The following SBF2 variants were observed in gnomAD, a reference collection of about 807,000 sequenced individuals.
The protein encoded by SBF2 is SET binding factor 2.
A neutral mutation model predicts 225.2 loss-of-function variants in SBF2; 112 were observed. The ratio of observed to expected loss-of-function variants is 0.50; its 90% CI spans 0.43 to 0.58. The LOEUF is 0.58. Ranked by LOEUF, SBF2 falls within the 20% of genes least tolerant of loss-of-function variation. The pLI, the probability that SBF2 is intolerant of heterozygous loss-of-function variation, is 0.00. For synonymous variants in SBF2, 763 were observed against 773.3 expected (o/e 0.99, Z 0.22); for missense variants, 1,996 against 2,206.2 (o/e 0.90, Z 1.91).
intron 6 of SBF2, among the ~76,000 whole-genome samples, chr11:10,024,980 TTCAC>T (rs768725290): frequency 1.3e-5 from 2 of 152,212 alleles, no homozygotes; most frequent in Non-Finnish European, 2.9e-5. Context: ...ATTTATTTCC[TTCAC>T]TATTTCAAAT....
At chr11:10,093,707 C>A (rs963392101) in intron 2 of SBF2, among the ~76,000 whole-genome samples, 6 of 152,162 alleles carry the variant, frequency 3.9e-5, no homozygotes, top group Admixed American at 1.3e-4. Context: ...AAAATAATAA[C>A]TTTTAAAGTA....
chr11:9,998,464 C>T (rs1040819054), intron 8 of SBF2, 85 bp from the exon 9 acceptor site: 40 of 760,818 alleles, frequency 5.3e-5, no homozygotes, highest in Non-Finnish European at 7.2e-5. Context: ...TAATTCAAAA[C>T]GAGAAGAATC....
intron 3 of SBF2, among the ~76,000 whole-genome samples, chr11:10,040,853 G>A (rs910291057): frequency 6.6e-6 from 1 of 151,828 alleles, no homozygotes; most frequent in African/African-American, 2.4e-5. Context: ...ATTAACAACA[G>A]GTGAATATGG....
intron 32 of SBF2, among the ~76,000 whole-genome samples, chr11:9,805,462 T>C (rs1013285457): frequency 6.6e-6 from 1 of 152,186 alleles, no homozygotes; most frequent in African/African-American, 2.4e-5. Context: ...TTCCCCCCAG[T>C]TATATTCAAA....
chr11:9,889,020 G>A (rs1860573781), intron 17 of SBF2, among the ~76,000 whole-genome samples: 1 of 152,106 alleles, frequency 6.6e-6, no homozygotes, highest in African/African-American at 2.4e-5. Context: ...ACTGTGTTCT[G>A]TTAGGTAAAT....
intron 16 of SBF2, among the ~76,000 whole-genome samples, chr11:9,906,433 G>C (rs7930281): frequency 0.28 from 41,834 of 152,054 alleles, 6,747 homozygotes; most frequent in African/African-American, 0.45. Context: ...AATTAGCAGG[G>C]AACAGGCAAT....
chr11:9,928,915 A>G (rs1864266862), intron 16 of SBF2: 1 of 400,516 alleles, frequency 2.5e-6, no homozygotes, highest in African/African-American at 2.1e-5. Context: ...TTAGATAAAA[A>G]TTAAATTCAA....
intron 2 of SBF2, among the ~76,000 whole-genome samples, chr11:10,053,848 A>G (rs372658898): frequency 2.0e-5 from 3 of 151,522 alleles, no homozygotes; most frequent in African/African-American, 7.3e-5. Context: ...TGAGCCTGGG[A>G]GGTTGAGGGT....
intron 2 of SBF2, among the ~76,000 whole-genome samples, chr11:10,081,525 G>A (rs1194074315): frequency 6.6e-6 from 1 of 152,126 alleles, no homozygotes; most frequent in African/African-American, 2.4e-5. Flanking sequence ...TTGGGAGGCT[G>A]AGACGGATAG....
chr11:9,813,377 G>A (rs1854297301), intron 29 of SBF2, among the ~76,000 whole-genome samples: 1 of 152,082 alleles, frequency 6.6e-6, no homozygotes, highest in Non-Finnish European at 1.5e-5. Flanking sequence ...ACCCAGGCTG[G>A]AGCGCAATGG....
At chr11:10,073,679 C>T (rs1428036482) in intron 2 of SBF2, among the ~76,000 whole-genome samples, 4 of 151,986 alleles carry the variant, frequency 2.6e-5, no homozygotes, top group African/African-American at 7.2e-5. Flanking sequence ...ATTGTGAGAT[C>T]GCACTACTGC....
chr11:10,133,571 G>A lies in SBF2; in HGVS notation c.141+60331C>T, dbSNP rs185937948. Among the ~76,000 whole-genome samples the A allele has an allele frequency of 4.5e-3, 506 of 111,234 alleles. 56 individuals carry two copies. The highest frequency in any genetic ancestry group is 6.6e-3 in the Admixed American group (70 of 10,552). The allele number at this position is 111,234 out of a possible 152,430, so 73.0% of individuals were successfully genotyped here. ...GGGTGCTAAGTCCCCCATTGCCCAGGGCCAGCAGGGCTGCCTGGCTGCTCC... is the reference window on the plus strand; with the variant it reads ...GGGTGCTAAGTCCCCCATTGCCCAGAGCCAGCAGGGCTGCCTGGCTGCTCC... On this transcript the variant is annotated intron_variant, in intron 2 of 39. Coordinates refer to ENST00000256190, the MANE Select transcript of SBF2 (RefSeq NM_030962.4).
intron 1 of SBF2, among the ~76,000 whole-genome samples, chr11:10,230,464 A>C (rs2135431970): frequency 6.6e-6 from 1 of 152,166 alleles, no homozygotes; most frequent in East Asian, 1.9e-4. Flanking sequence ...GTTCCTTTCC[A>C]TGTTTAGTGC....
At chr11:10,261,906 T>C (rs1445184087) in intron 1 of SBF2, among the ~76,000 whole-genome samples, 1 of 152,200 alleles carries the variant, frequency 6.6e-6, no homozygotes, top group Non-Finnish European at 1.5e-5. Context: ...TATGATGTTC[T>C]AGAATAGGAA....
intron 2 of SBF2, among the ~76,000 whole-genome samples, chr11:10,141,951 C>A: frequency 6.6e-6 from 1 of 152,144 alleles, no homozygotes; most frequent in South Asian, 2.1e-4. Context: ...TAAAAGCTAT[C>A]CATCCTCTTT....
At chr11:10,147,199 C>T (rs1166067435) in intron 2 of SBF2, among the ~76,000 whole-genome samples, 2 of 152,030 alleles carry the variant, frequency 1.3e-5, no homozygotes, top group African/African-American at 2.4e-5. Context: ...ATCATTTGAC[C>T]CAGCGATCCC....
upstream of SBF2, among the ~76,000 whole-genome samples, chr11:10,298,666 C>T (rs1388487179): frequency 6.6e-6 from 1 of 152,154 alleles, no homozygotes; most frequent in Non-Finnish European, 1.5e-5. Flanking sequence ...TGGAAAATTC[C>T]CTGATCCATT....
intron 16 of SBF2, among the ~76,000 whole-genome samples, chr11:9,913,753 G>T (rs1862842960): frequency 6.6e-6 from 1 of 152,174 alleles, no homozygotes; most frequent in African/African-American, 2.4e-5. Flanking sequence ...AGAGGTATGG[G>T]CTCACCAGAA....
intron 1 of SBF2, among the ~76,000 whole-genome samples, chr11:10,249,704 T>C (rs1184340375): frequency 6.0e-5 from 9 of 149,218 alleles, no homozygotes; most frequent in Non-Finnish European, 1.3e-4. Flanking sequence ...TGGAATGCTA[T>C]GGGGGAGTCC....
Sources: allele counts gnomAD v4.1 joint callset (sites outside exome capture counted in the v4.1 genomes callset), GRCh38; gene constraint gnomAD v4.1.1; transcripts MANE v1.5; gene names NCBI Gene and HGNC (gene_info 2026-07-23, HGNC 2026-07-21).